Variants in FHIT observed in about 807,000 individuals in gnomAD.
FHIT encodes bis(5'-adenosyl)-triphosphatase.
Under a neutral mutation model 17.9 loss-of-function variants are expected in FHIT, and 19 were observed. The observed-to-expected ratio is 1.06, with a 90% CI of 0.74 to 1.56. FHIT has a LOEUF of 1.56. FHIT is among the 40% of genes most tolerant of loss of function. The pLI, the probability that FHIT is intolerant of heterozygous loss-of-function variation, is 0.00. For missense variants in FHIT, 248 were observed against 189.2 expected, an observed-to-expected ratio of 1.31 and a Z score of -1.82; for synonymous variants, 81 against 69.7, an observed-to-expected ratio of 1.16 and a Z score of -0.81.
chr3:60,210,883 G>GAATT (rs1703418806), intron 5 of FHIT, among the ~76,000 whole-genome samples: 1 of 152,012 alleles, frequency 6.6e-6, no homozygotes. Flanking sequence ...CTTTGACACA[G>GAATT]AATTGCACTT....
At chr3:61,132,016 T>C (rs953836001) in intron 2 of FHIT, among the ~76,000 whole-genome samples, 4 of 152,128 alleles carry the variant, frequency 2.6e-5, no homozygotes, top group South Asian at 2.1e-4. Context: ...GATAAAACAA[T>C]TGAGGTAGAA....
chr3:60,830,534 A>AATTATTTTTTTTTATTTTAAT (rs1553742220), intron 3 of FHIT, among the ~76,000 whole-genome samples: 2 of 152,228 alleles, frequency 1.3e-5, no homozygotes, highest in Non-Finnish European at 2.9e-5. Context: ...GAGAAATGTC[A>AATTATTTTTTTTTATTTTAAT]CAATTTTAAT....
intron 5 of FHIT, among the ~76,000 whole-genome samples, chr3:60,027,102 C>G (rs529121082): frequency 9.4e-4 from 109 of 116,202 alleles, no homozygotes; most frequent in African/African-American, 3.7e-3. Context: ...GACTGTTTCA[C>G]ACACAGACAC....
At position 61,083,416 on chromosome 3, in the gene FHIT, C is replaced by G. The variant is rs575028757; in HGVS notation, c.-163-41317G>C. On this transcript the variant is annotated intron_variant, in intron 2 of 9. Transcript: ENST00000492590. Reference sequence around the variant, plus strand: ...CCATCCTGGCTACCACGGTGAAACCCCGTCTCTACTAAAAATACAAAAAAT... The same window carrying G: ...CCATCCTGGCTACCACGGTGAAACCGCGTCTCTACTAAAAATACAAAAAAT... Among the ~76,000 whole-genome samples, 5 of 152,264 alleles carry G rather than the reference C, an allele frequency of 3.3e-5. No homozygotes were observed. In the East Asian group the frequency reaches 7.8e-4, roughly 24 times the overall value.
chr3:60,723,927 A>G (rs1372262251), intron 4 of FHIT, among the ~76,000 whole-genome samples: 1 of 152,200 alleles, frequency 6.6e-6, no homozygotes, highest in East Asian at 1.9e-4. Flanking sequence ...GCATATTTCA[A>G]GCTTCTTTCA....
intron 2 of FHIT, among the ~76,000 whole-genome samples, chr3:61,170,483 A>T (rs9814044): frequency 6.6e-6 from 1 of 151,726 alleles, no homozygotes; most frequent in South Asian, 2.1e-4. Context: ...CACATGTTAA[A>T]CCTAGTACCC....
chr3:61,109,819 T>C (rs531795943), intron 2 of FHIT, among the ~76,000 whole-genome samples: 1 of 152,298 alleles, frequency 6.6e-6, no homozygotes, highest in South Asian at 2.1e-4. Flanking sequence ...AGTGGCTCTC[T>C]TCTTCTAGTT....
intron 5 of FHIT, among the ~76,000 whole-genome samples, chr3:60,044,818 A>G (rs1032499477): frequency 1.3e-5 from 2 of 152,134 alleles, no homozygotes; most frequent in African/African-American, 4.8e-5. Flanking sequence ...TGTTGAAATT[A>G]AGGCAGTGCA....
intron 1 of FHIT, among the ~76,000 whole-genome samples, chr3:61,203,543 G>C (rs1475703590): frequency 3.9e-5 from 6 of 152,100 alleles, no homozygotes; most frequent in East Asian, 1.9e-4. Context: ...GAAGCAGTGA[G>C]AAACAAGAAG....
chr3:60,808,058 C>T (rs1290552736), intron 4 of FHIT, among the ~76,000 whole-genome samples: 3 of 152,136 alleles, frequency 2.0e-5, no homozygotes, highest in African/African-American at 7.2e-5. Context: ...CATCTATTGA[C>T]CTCAGAGACA....
intron 8 of FHIT, among the ~76,000 whole-genome samples, chr3:59,794,098 T>C (rs1559611837): frequency 6.6e-6 from 1 of 152,130 alleles, no homozygotes; most frequent in Non-Finnish European, 1.5e-5. Flanking sequence ...AGCCTTATCC[T>C]CCTCATCATA....
intron 5 of FHIT, among the ~76,000 whole-genome samples, chr3:60,148,533 T>C (rs1264995549): frequency 1.3e-5 from 2 of 152,186 alleles, no homozygotes; most frequent in East Asian, 3.8e-4. Flanking sequence ...ATCTTTTATT[T>C]AAAATCACAA....
chr3:60,862,239 T>C lies in FHIT; in HGVS notation c.-110-40228A>G, dbSNP rs1575612840. On this transcript the variant is annotated intron_variant, in intron 3 of 9. Coordinates refer to ENST00000492590, the MANE Select transcript of FHIT (RefSeq NM_002012.4). ...TATTGCCCAGGCTGGAGTGCGGCAGTGAGATCATAGTTCACTGCAGCCTTG... is the reference window on the plus strand; with the variant it reads ...TATTGCCCAGGCTGGAGTGCGGCAGCGAGATCATAGTTCACTGCAGCCTTG... 2.0e-5 allele frequency among the ~76,000 whole-genome samples: 3 copies of C among 152,232 alleles called. No homozygotes were observed. The South Asian group carries it at 6.2e-4, about 32-fold the overall frequency.
chr3:60,173,244 G>T (rs923209759), intron 5 of FHIT, among the ~76,000 whole-genome samples: 1 of 152,098 alleles, frequency 6.6e-6, no homozygotes, highest in African/African-American at 2.4e-5. Flanking sequence ...TCCCAGACTG[G>T]TATCTTAGGG....
At chr3:60,769,569 TCA>T (rs1699971389) in intron 4 of FHIT, among the ~76,000 whole-genome samples, 1 of 152,202 alleles carries the variant, frequency 6.6e-6, no homozygotes, top group Non-Finnish European at 1.5e-5. Context: ...CACAGCAGAT[TCA>T]CAGACTCCAG....
chr3:61,091,184 G>A (rs751089678), intron 2 of FHIT, among the ~76,000 whole-genome samples: 4 of 152,060 alleles, frequency 2.6e-5, no homozygotes, highest in Non-Finnish European at 5.9e-5. Context: ...GAAGAGAAAT[G>A]GTCCCACTCT....
chr3:60,956,347 G>A (rs937182504), intron 3 of FHIT, among the ~76,000 whole-genome samples: 7 of 152,174 alleles, frequency 4.6e-5, no homozygotes, highest in Admixed American at 1.3e-4. Flanking sequence ...GCCTTATGAA[G>A]AACCAGAGCC....
At chr3:59,847,943 T>C (rs1259011332) in intron 8 of FHIT, among the ~76,000 whole-genome samples, 1 of 152,150 alleles carries the variant, frequency 6.6e-6, no homozygotes, top group Non-Finnish European at 1.5e-5. Flanking sequence ...GAAGAAAAAT[T>C]AAGGGAAGCG....
At chr3:60,925,185 T>C (rs1305474742) in intron 3 of FHIT, among the ~76,000 whole-genome samples, 1 of 152,022 alleles carries the variant, frequency 6.6e-6, no homozygotes, top group Non-Finnish European at 1.5e-5. Flanking sequence ...ACGGCCAACA[T>C]TCAAATTCAG....
Sources: gnomAD v4.1 joint callset for allele counts (sites outside exome capture counted in the v4.1 genomes callset) on GRCh38, gnomAD v4.1.1 for gene constraint, MANE v1.5 for transcripts, NCBI Gene and HGNC (gene_info 2026-07-23, HGNC 2026-07-21) for gene names.